THBS4: variants seen among roughly 807,000 people sequenced by gnomAD.
The protein encoded by THBS4 is thrombospondin 4.
Under a neutral mutation model 115.7 loss-of-function variants are expected in THBS4, and 90 were observed. The ratio of observed to expected loss-of-function variants is 0.78; its 90% confidence interval spans 0.66 to 0.93. The LOEUF (loss-of-function observed/expected upper bound fraction) is 0.93, where lower values mean the gene tolerates loss of function less well. THBS4 is among the 40% of genes least tolerant of loss of function. THBS4 has a pLI of 0.00. For synonymous variants in THBS4, 460 were observed against 479.3 expected (o/e 0.96, Z 0.53); for missense variants, 1,087 against 1,232.7 (o/e 0.88, Z 1.77).
rs147141222 is a variant in THBS4, at chr5:80,065,434, G to A, written c.1151G>A (p.Arg384Gln). The A allele has an allele frequency of 2.1e-4, 340 of 1,613,636 alleles. No individual in the cohort carries two copies. In the African/African-American group the frequency reaches 3.7e-3, roughly 18 times the overall value. The change falls in exon 9 of 22, where the codon CGA (arginine) becomes CAA (glutamine). Residue 384 changes from arginine to glutamine, a missense_variant. Coordinates refer to ENST00000350881, the MANE Select transcript of THBS4 (RefSeq NM_003248.6). ...GTCTGCACTGACATTGATGAGTGTC[G>A]AAATGGAGCGTGCGTTCCCAACTCG... The part of the protein sequence containing the change: ...KQVCTDIDEC[R>Q]NGACVPNSIC...
intron 13 of THBS4, 111 bp downstream of exon 13, chr5:80,071,291 G>A: frequency 6.8e-7 from 1 of 1,472,510 alleles, no homozygotes; most frequent in Non-Finnish European, 8.9e-7. Flanking sequence ...AGCTGTGGGT[G>A]GCTCATTGTG....
In THBS4 at chr5:80,056,048, C is replaced by T. The variant is rs1326662448; in HGVS notation, c.540+16C>T. The T allele has an allele frequency of 1.9e-6, 3 of 1,582,518 alleles. No individual in the cohort carries two copies. In the Admixed American group the frequency reaches 5.4e-5, roughly 28 times the overall value. On this transcript the variant is annotated intron_variant, in intron 3 of 21. Transcript: ENST00000350881. Reference sequence around the variant, plus strand: ...GAAGCCACAGGTAGGAACCCACAAACCATTCTCTGAAGTGGAAAAATGAGC... The same window carrying T: ...GAAGCCACAGGTAGGAACCCACAAATCATTCTCTGAAGTGGAAAAATGAGC...
upstream of THBS4, among the ~76,000 whole-genome samples, chr5:80,031,752 G>C (rs1273973842): frequency 6.6e-6 from 1 of 152,156 alleles, no homozygotes; most frequent in Non-Finnish European, 1.5e-5. Context: ...TGGCACTTTT[G>C]CCAAAATCCT....
intron 8 of THBS4, among the ~76,000 whole-genome samples, chr5:80,063,167 C>T (rs2112109296): frequency 6.6e-6 from 1 of 152,304 alleles, no homozygotes; most frequent in Middle Eastern, 3.4e-3. Context: ...TAAAAGTGTT[C>T]CTATTTCTCC....
At chr5:80,024,812 A>G (rs114190807) in intron 2 of THBS4, among the ~76,000 whole-genome samples, 1,612 of 152,358 alleles carry the variant, frequency 0.011, 9 homozygotes, top group South Asian at 0.02. Context: ...CATGGCCTCA[A>G]TTCACGTAGT....
intron 2 of THBS4, among the ~76,000 whole-genome samples, chr5:79,998,734 G>T (rs954375992): frequency 5.9e-5 from 9 of 152,148 alleles, no homozygotes; most frequent in African/African-American, 2.2e-4. Flanking sequence ...TTTTTAAAAA[G>T]AATTAAAGGT....
intron 11 of THBS4, 32 bp downstream of exon 11, chr5:80,070,442 T>A (rs1207245359): frequency 1.3e-6 from 2 of 1,586,518 alleles, no homozygotes; most frequent in African/African-American, 2.7e-5. Flanking sequence ...TAGGCACACA[T>A]GCACTGTGGC....
intron 2 of THBS4, among the ~76,000 whole-genome samples, chr5:80,050,485 T>C (rs1833220121): frequency 6.6e-6 from 1 of 152,166 alleles, no homozygotes; most frequent in South Asian, 2.1e-4. Flanking sequence ...TGGTGTCAGC[T>C]GATACATCCA....
At chr5:80,017,335 C>T (rs1188034733) in intron 2 of THBS4, among the ~76,000 whole-genome samples, 5 of 152,250 alleles carry the variant, frequency 3.3e-5, no homozygotes, top group Admixed American at 6.5e-5. Context: ...ACAATACAAT[C>T]TAACAACATG....
intron 2 of THBS4, among the ~76,000 whole-genome samples, chr5:80,006,334 G>A (rs1832018770): frequency 6.6e-6 from 1 of 152,124 alleles, no homozygotes; most frequent in Non-Finnish European, 1.5e-5. Flanking sequence ...TGTTCTCATG[G>A]TAGTGAATAA....
Position 80,062,798 on chromosome 5 carries a change from C to T in THBS4, c.1125+966C>T, listed in dbSNP as rs552889701. ...GAACATGCGGTGTTTGGTTTTCTAT[C>T]CTTGCGATAGTTTGCTCAGAATGAT... On this transcript the variant is annotated intron_variant, in intron 8 of 21. Transcript: ENST00000350881. 1.7e-3 allele frequency among the ~76,000 whole-genome samples: 258 copies of T among 152,186 alleles called. 1 individual carries two copies. Among genetic ancestry groups the T allele is most frequent in the African/African-American group, 6.0e-3 (248 of 41,518 alleles).
chr5:80,079,809 A>G (rs1011297288), intron 19 of THBS4, 96 bp from the exon 20 acceptor site: 13 of 1,332,336 alleles, frequency 9.8e-6, no homozygotes, highest in African/African-American at 4.4e-5. Flanking sequence ...CCGGATTATA[A>G]CCATGACTAT....
At chr5:80,005,470 A>G (rs1204000464) in intron 2 of THBS4, among the ~76,000 whole-genome samples, 1 of 152,320 alleles carries the variant, frequency 6.6e-6, no homozygotes, top group East Asian at 1.9e-4. Flanking sequence ...ATTCACTTCT[A>G]ATGTATTTTA....
intron 14 of THBS4, chr5:80,072,660 T>C: frequency 2.3e-6 from 1 of 434,664 alleles, no homozygotes; most frequent in Non-Finnish European, 4.2e-6. Flanking sequence ...AATACAAGTA[T>C]TTTTCCTGCA....
chr5:80,071,655 T>TAC (rs58150348), intron 13 of THBS4: 9,288 of 148,474 alleles, frequency 0.063, 751 homozygotes, highest in African/African-American at 0.19. Context: ...AACACACACA[T>TAC]ACACACACAC....
chr5:80,069,753 A>G (rs1833964877), intron 10 of THBS4, among the ~76,000 whole-genome samples: 1 of 152,230 alleles, frequency 6.6e-6, no homozygotes, highest in African/African-American at 2.4e-5. Flanking sequence ...AGCAGGAACC[A>G]GGAGCCCGGG....
intron 8 of THBS4, 57 bp from the exon 9 acceptor site, chr5:80,065,352 G>A: frequency 6.8e-7 from 1 of 1,460,018 alleles, no homozygotes; most frequent in Non-Finnish European, 9.5e-7. Flanking sequence ...AGATTTATTT[G>A]CATTTCTATT....
chr5:80,076,680 T>C (rs1489079150), intron 15 of THBS4, among the ~76,000 whole-genome samples, 175 bp from the exon 16 acceptor site: 2 of 152,128 alleles, frequency 1.3e-5, no homozygotes, highest in Non-Finnish European at 2.9e-5. Flanking sequence ...GATGGGAAAA[T>C]TGTCTCTGAG....
intron 2 of THBS4, among the ~76,000 whole-genome samples, chr5:80,049,534 G>A (rs1211645244): frequency 6.6e-5 from 10 of 152,140 alleles, no homozygotes; most frequent in Admixed American, 6.5e-4. Context: ...AGAGGGAAAG[G>A]ATTTATATAA....
Sources: gnomAD v4.1 joint callset for allele counts (sites outside exome capture counted in the v4.1 genomes callset) on GRCh38, gnomAD v4.1.1 for gene constraint, MANE v1.5 for transcripts, NCBI Gene and HGNC (gene_info 2026-07-23, HGNC 2026-07-21) for gene names.